The following PHACTR1 variants were observed in gnomAD, a reference collection of about 807,000 sequenced individuals.
The protein encoded by PHACTR1 is RPEL repeat containing 1.
PHACTR1 carries 16 observed loss-of-function variants against 69.2 expected under a neutral mutation model. The ratio of observed to expected loss-of-function variants is 0.23; its 90% CI spans 0.16 to 0.35. The LOEUF is 0.35. Ranked by LOEUF, PHACTR1 falls within the 10% of genes least tolerant of loss-of-function variation. The pLI, the probability that PHACTR1 is intolerant of heterozygous loss-of-function variation, is 1.00. For missense variants in PHACTR1, 510 were observed against 734.7 expected, an observed-to-expected ratio of 0.69 and a Z score of 3.54; for synonymous variants, 312 against 284.5, an observed-to-expected ratio of 1.10 and a Z score of -0.97.
chr6:12,781,680 G>A (rs531102810), intron 4 of PHACTR1, among the ~76,000 whole-genome samples: 41 of 152,144 alleles, frequency 2.7e-4, no homozygotes, highest in African/African-American at 8.4e-4. Flanking sequence ...CTTTAACATC[G>A]GCTCCAGGAC....
intron 4 of PHACTR1, among the ~76,000 whole-genome samples, chr6:12,986,904 A>G (rs1472860819): frequency 1.3e-5 from 2 of 152,172 alleles, no homozygotes; most frequent in Non-Finnish European, 2.9e-5. Context: ...TTGCTAAGAA[A>G]TGCACCTGAA....
chr6:13,121,771 G>C (rs1818774560), intron 5 of PHACTR1, among the ~76,000 whole-genome samples: 1 of 152,130 alleles, frequency 6.6e-6, no homozygotes. Flanking sequence ...TCTAGACAGG[G>C]CCTCGCCCAG....
chr6:12,941,996 G>A (rs1382884574), intron 4 of PHACTR1, among the ~76,000 whole-genome samples: 1 of 152,154 alleles, frequency 6.6e-6, no homozygotes, highest in East Asian at 1.9e-4. Context: ...CTTTGAGCAG[G>A]AGATAAATGG....
rs149168431 is a variant in PHACTR1 at position 12,903,745 on chromosome 6, A to G, written c.251-149620A>G. 4.9e-3 allele frequency among the ~76,000 whole-genome samples: 745 copies of G among 152,340 alleles called. 16 individuals carry two copies. Among genetic ancestry groups the G allele is most frequent in the East Asian group, 0.032 (168 of 5,194 alleles). Reference sequence around the variant, plus strand: ...TAAAAATAGCTTAAAATCATTGGCCATAGTTATATTTTCCACGAGCTGAGT... The same window carrying G: ...TAAAAATAGCTTAAAATCATTGGCCGTAGTTATATTTTCCACGAGCTGAGT... On this transcript the variant is annotated intron_variant, in intron 4 of 14. Coordinates refer to ENST00000332995, the MANE Select transcript of PHACTR1 (RefSeq NM_030948.6).
chr6:12,934,093 G>T (rs1334272514), intron 4 of PHACTR1: 9 of 1,053,308 alleles, frequency 8.5e-6, no homozygotes, highest in Non-Finnish European at 1.2e-5. Context: ...CTCTAGGGAA[G>T]AACCTTCTTG....
At chr6:13,253,572 A>G (rs1774783430) in intron 10 of PHACTR1, among the ~76,000 whole-genome samples, 1 of 152,238 alleles carries the variant, frequency 6.6e-6, no homozygotes, top group Non-Finnish European at 1.5e-5. Context: ...CAGAAGCAAC[A>G]CTGCTTAGAG....
At chr6:12,896,322 C>T (rs1006272000) in intron 4 of PHACTR1, among the ~76,000 whole-genome samples, 13 of 152,208 alleles carry the variant, frequency 8.5e-5, no homozygotes, top group Non-Finnish European at 1.3e-4. Flanking sequence ...ACTGCATACA[C>T]GTGCTGTAAT....
intron 5 of PHACTR1, among the ~76,000 whole-genome samples, chr6:13,127,165 A>G (rs536098393): frequency 6.6e-6 from 1 of 152,344 alleles, no homozygotes; most frequent in African/African-American, 2.4e-5. Flanking sequence ...AGGTTGGTTT[A>G]AATAGATTTC....
chr6:13,187,906 A>G (rs998051299), intron 7 of PHACTR1, among the ~76,000 whole-genome samples: 3 of 152,264 alleles, frequency 2.0e-5, no homozygotes, highest in African/African-American at 7.2e-5. Context: ...GAATTTCTTA[A>G]CTGACGACAC....
intron 4 of PHACTR1, among the ~76,000 whole-genome samples, chr6:13,003,509 T>A (rs1211177613): frequency 2.6e-5 from 4 of 152,196 alleles, no homozygotes; most frequent in African/African-American, 9.6e-5. Flanking sequence ...AGATCCTTCA[T>A]CTTTAGGAAG....
intron 4 of PHACTR1, among the ~76,000 whole-genome samples, chr6:12,866,045 C>T (rs576539472): frequency 1.0e-3 from 157 of 152,206 alleles, no homozygotes; most frequent in African/African-American, 3.5e-3. Flanking sequence ...AGAGTGATTC[C>T]GGAGGGAGAT....
chr6:13,147,033 A>AC (rs1823474115), intron 5 of PHACTR1, among the ~76,000 whole-genome samples: 1 of 152,220 alleles, frequency 6.6e-6, no homozygotes, highest in African/African-American at 2.4e-5. Context: ...CTGCAGGGTC[A>AC]CCTGTTTCAC....
chr6:12,980,478 GT>G lies in PHACTR1; in HGVS notation c.251-72883del, dbSNP rs535834909. On this transcript the variant is annotated intron_variant, in intron 4 of 14. Transcript: ENST00000332995. ...TATATGCTCCCAGAGAGCAAAGTATGTTTTGTCAAATAGCACGGTGACTTGC... is the reference window on the plus strand; with the variant it reads ...TATATGCTCCCAGAGAGCAAAGTATGTTTGTCAAATAGCACGGTGACTTGC... 1.9e-4 allele frequency among the ~76,000 whole-genome samples: 29 copies of G among 151,926 alleles called. No homozygotes were observed. In the East Asian group the frequency reaches 5.4e-3, roughly 29 times the overall value.
intron 5 of PHACTR1, among the ~76,000 whole-genome samples, chr6:13,064,547 GATATATAT>G (rs1195089569): frequency 1.9e-4 from 13 of 70,220 alleles, no homozygotes; most frequent in South Asian, 9.9e-4. Context: ...GAAGGGAAAA[GATATATAT>G]ATATATATAT....
At chr6:13,161,530 A>C (rs1482750369) in intron 6 of PHACTR1, among the ~76,000 whole-genome samples, 1 of 141,586 alleles carries the variant, frequency 7.1e-6, no homozygotes, top group African/African-American at 2.6e-5. Flanking sequence ...ATTAAATCAC[A>C]TAATATTCTA....
At chr6:13,004,164 G>A (rs1798498988) in intron 4 of PHACTR1, among the ~76,000 whole-genome samples, 1 of 151,344 alleles carries the variant, frequency 6.6e-6, no homozygotes, top group African/African-American at 2.4e-5. Context: ...TTGAATGGTA[G>A]ATCTATTTTT....
intron 4 of PHACTR1, among the ~76,000 whole-genome samples, chr6:12,828,530 T>G (rs1475804857): frequency 1.3e-5 from 2 of 152,330 alleles, no homozygotes; most frequent in South Asian, 2.1e-4. Context: ...CTTGTAGTAT[T>G]TTAAATCCAC....
rs566093292 is a variant in PHACTR1 at position 12,831,944 on chromosome 6, A to G, written c.250+82154A>G. On this transcript the variant is annotated intron_variant, in intron 4 of 14. Coordinates refer to ENST00000332995, the MANE Select transcript of PHACTR1 (RefSeq NM_030948.6). ...CTCCTCATTTTATGGAGGAGGAAATAAAAATCAAAATTTTAGCCAGGCTTG... is the reference window on the plus strand; with the variant it reads ...CTCCTCATTTTATGGAGGAGGAAATGAAAATCAAAATTTTAGCCAGGCTTG... Among the ~76,000 whole-genome samples the G allele has an allele frequency of 1.0e-3, 153 of 152,246 alleles. 1 individual carries two copies. Among genetic ancestry groups the G allele is most frequent in the Middle Eastern group, 3.4e-3 (1 of 294 alleles).
intron 4 of PHACTR1, among the ~76,000 whole-genome samples, chr6:13,005,922 A>T (rs1798730259): frequency 6.6e-6 from 1 of 151,256 alleles, no homozygotes; most frequent in Non-Finnish European, 1.5e-5. Flanking sequence ...GGGCCACTCC[A>T]CTCTCTATTT....
Sources: allele counts gnomAD v4.1 joint callset (sites outside exome capture counted in the v4.1 genomes callset), GRCh38; gene constraint gnomAD v4.1.1; transcripts MANE v1.5; gene names NCBI Gene and HGNC (gene_info 2026-07-23, HGNC 2026-07-21).